HDAC8: variants seen among roughly 807,000 people sequenced by gnomAD.
The protein encoded by HDAC8 is histone deacetylase 8.
HDAC8 carries 1 observed loss-of-function variant against 32.2 expected under a neutral mutation model. The observed-to-expected ratio is 0.03, with a 90% confidence interval of 0.01 to 0.15. The LOEUF (loss-of-function observed/expected upper bound fraction) is 0.15. Ranked by LOEUF, HDAC8 falls within the 10% of genes least tolerant of loss-of-function variation. HDAC8 has a pLI of 1.00. For synonymous variants in HDAC8, 108 were observed against 113.9 expected (o/e 0.95, Z 0.33); for missense variants, 117 against 300.0 (o/e 0.39, Z 4.51).
chrX:72,375,291 C>G (rs1005574279), intron 9 of HDAC8, among the ~76,000 whole-genome samples: 3 of 112,298 alleles, frequency 2.7e-5, no homozygotes, highest in South Asian at 3.7e-4. Context: ...ATGAATAAAT[C>G]TATCATTTAT....
intron 9 of HDAC8, among the ~76,000 whole-genome samples, chrX:72,456,887 A>G (rs782582248): frequency 1.1e-3 from 122 of 111,560 alleles, no homozygotes; most frequent in Admixed American, 3.1e-3. Flanking sequence ...TTGCCCTGAT[A>G]TCAAAACCAG....
intron 9 of HDAC8, among the ~76,000 whole-genome samples, chrX:72,371,090 G>A (rs1372466295): frequency 8.9e-6 from 1 of 111,811 alleles, no homozygotes; most frequent in Non-Finnish European, 1.9e-5. Flanking sequence ...TTGTGTTTAT[G>A]TTAAGAAAAG....
chrX:72,390,022 AT>A (rs1405078839), intron 9 of HDAC8, among the ~76,000 whole-genome samples: 6 of 110,846 alleles, frequency 5.4e-5, no homozygotes, highest in East Asian at 5.6e-4. Flanking sequence ...TTTTCCCTTA[AT>A]TTTTTTTAAT....
intron 9 of HDAC8, among the ~76,000 whole-genome samples, chrX:72,439,051 G>A (rs1235267300): frequency 9.0e-6 from 1 of 111,460 alleles, no homozygotes; most frequent in Admixed American, 9.5e-5. Flanking sequence ...AAATTGTTAA[G>A]GGCAGCCAGA....
chrX:72,441,570 A>G (rs957231592), intron 9 of HDAC8, among the ~76,000 whole-genome samples: 2 of 111,666 alleles, frequency 1.8e-5, no homozygotes, highest in Non-Finnish European at 3.8e-5. Context: ...AAGTAGATAA[A>G]ACCACAAAGA....
At chrX:72,570,889 G>C (rs782739888) in intron 2 of HDAC8, among the ~76,000 whole-genome samples, 21 of 111,899 alleles carry the variant, frequency 1.9e-4, no homozygotes, top group African/African-American at 6.8e-4. Flanking sequence ...TCTCTCTTGA[G>C]TTCTGGCGCA....
intron 9 of HDAC8, among the ~76,000 whole-genome samples, chrX:72,389,803 G>C (rs2045563216): frequency 9.0e-6 from 1 of 111,587 alleles, no homozygotes; most frequent in Admixed American, 9.5e-5. Context: ...TTTCTTTAGG[G>C]AGACAGGAAG....
chrX:72,457,000 A>G (rs139625162), intron 9 of HDAC8, among the ~76,000 whole-genome samples: 11 of 111,570 alleles, frequency 9.9e-5, no homozygotes, highest in African/African-American at 3.3e-4. Context: ...CCAGCAATAC[A>G]TAAAAAGGAT....
intron 4 of HDAC8, among the ~76,000 whole-genome samples, chrX:72,559,867 G>T (rs1000363401): frequency 9.1e-6 from 1 of 110,000 alleles, no homozygotes. Context: ...GAGCGTCTCC[G>T]CCTGGCAGCC....
intron 7 of HDAC8, among the ~76,000 whole-genome samples, chrX:72,487,623 A>G (rs1196487548): frequency 9.1e-6 from 1 of 109,669 alleles, no homozygotes; most frequent in Non-Finnish European, 1.9e-5. Flanking sequence ...ATTACAAACT[A>G]TACTTGCTGG....
chrX:72,376,833 C>A, intron 9 of HDAC8: 1 of 111,827 alleles, frequency 8.9e-6, no homozygotes, highest in Non-Finnish European at 1.9e-5. Flanking sequence ...TTTAAGCAGA[C>A]CTTTGCAGTT....
intron 9 of HDAC8, among the ~76,000 whole-genome samples, chrX:72,447,392 T>A (rs1391022157): frequency 8.9e-6 from 1 of 112,097 alleles, no homozygotes; most frequent in East Asian, 2.8e-4. Context: ...CAACACCCCT[T>A]CATGCTAAGA....
intron 10 of HDAC8, among the ~76,000 whole-genome samples, chrX:72,331,558 G>C (rs183914425): frequency 1.4e-4 from 16 of 111,206 alleles, no homozygotes; most frequent in African/African-American, 4.9e-4. Flanking sequence ...ATTTGTGCAT[G>C]TATCAATAGA....
chrX:72,565,284 T>G (rs2051737521), intron 4 of HDAC8, among the ~76,000 whole-genome samples: 1 of 112,278 alleles, frequency 8.9e-6, no homozygotes, highest in South Asian at 3.7e-4. Context: ...AAGCAAATAT[T>G]GTGATTATAA....
At chrX:72,388,567 C>T (rs782711149) in intron 9 of HDAC8, among the ~76,000 whole-genome samples, 4 of 102,385 alleles carry the variant, frequency 3.9e-5, no homozygotes, top group Non-Finnish European at 5.9e-5. Context: ...TCTCTGTAAT[C>T]CTTTGTCTAT....
At chrX:72,404,260 T>A (rs927320443) in intron 9 of HDAC8, among the ~76,000 whole-genome samples, 5 of 111,351 alleles carry the variant, frequency 4.5e-5, no homozygotes, top group African/African-American at 1.6e-4. Flanking sequence ...AAGATACTCA[T>A]TCTTTTTCCT....
chrX:72,451,400 T>C (rs1555987389), intron 9 of HDAC8, among the ~76,000 whole-genome samples: 1 of 111,959 alleles, frequency 8.9e-6, no homozygotes, highest in African/African-American at 3.2e-5. Context: ...TTTCACCATG[T>C]TGGCCAGGCT....
chrX:72,426,968 T>C (rs1434731393), intron 9 of HDAC8, among the ~76,000 whole-genome samples: 2 of 109,990 alleles, frequency 1.8e-5, no homozygotes, highest in Admixed American at 1.9e-4. Flanking sequence ...TGTGAAGACA[T>C]ACAGAGAAGG....
At chrX:72,572,028 C>T in intron 2 of HDAC8, 29 bp downstream of exon 2, 5 of 1,151,877 alleles carry the variant, frequency 4.3e-6, no homozygotes, top group Non-Finnish European at 5.8e-6. Context: ...CACCTAGCTT[C>T]AGGGCTATGT....
Sources: gnomAD v4.1 joint callset for allele counts (sites outside exome capture counted in the v4.1 genomes callset) on GRCh38, gnomAD v4.1.1 for gene constraint, MANE v1.5 for transcripts, NCBI Gene and HGNC (gene_info 2026-07-23, HGNC 2026-07-21) for gene names.